The following SNTG1 variants were observed in gnomAD, a reference collection of about 807,000 sequenced individuals.
SNTG1 encodes the protein syntrophin gamma 1.
Under a neutral mutation model 74.7 loss-of-function variants are expected in SNTG1, and 39 were observed. That is an observed-to-expected ratio of 0.52 (90% CI 0.40 to 0.68). The LOEUF (loss-of-function observed/expected upper bound fraction) is 0.68. SNTG1 is among the 30% of genes least tolerant of loss of function. The pLI is 0.00. For missense variants in SNTG1, 685 were observed against 609.5 expected, an observed-to-expected ratio of 1.12 and a Z score of -1.30; for synonymous variants, 254 against 217.1, an observed-to-expected ratio of 1.17 and a Z score of -1.49.
chr8:50,169,632 AGTAATACATTGATTAAC>A (rs1440374789), intron 1 of SNTG1, among the ~76,000 whole-genome samples: 1 of 152,216 alleles, frequency 6.6e-6, no homozygotes, highest in Admixed American at 6.5e-5. Context: ...TTCCTTGTTA[AGTAATACATTGATTAAC>A]CTACCATTTT....
At chr8:50,190,797 G>A (rs2083545346) in intron 2 of SNTG1, among the ~76,000 whole-genome samples, 2 of 152,054 alleles carry the variant, frequency 1.3e-5, no homozygotes, top group East Asian at 1.9e-4. Flanking sequence ...ATTTGGGGGT[G>A]GATAGTGGAA....
chr8:50,011,908 G>T (rs1815844167), intron 1 of SNTG1: 1 of 152,132 alleles, frequency 6.6e-6, no homozygotes, highest in South Asian at 2.1e-4. Flanking sequence ...ATGAACTTTA[G>T]TGCTTTCTTT....
At position 50,452,123 on chromosome 8, in the gene SNTG1, G is replaced by T. The variant is rs142672969; in HGVS notation, c.363+1394G>T. Among the ~76,000 whole-genome samples, 349 of 152,204 alleles carry T rather than the reference G, an allele frequency of 2.3e-3. 5 individuals carry two copies. The highest frequency in any genetic ancestry group is 5.9e-3 in the African/African-American group (244 of 41,538). On this transcript the variant is annotated intron_variant, in intron 8 of 18. Transcript: ENST00000642720. ...TGCACAAGAACCGAGACGAAGGAGGGTTTTTAATTAGGAACACTTGGCATA... is the reference window on the plus strand; with the variant it reads ...TGCACAAGAACCGAGACGAAGGAGGTTTTTTAATTAGGAACACTTGGCATA...
intron 2 of SNTG1, among the ~76,000 whole-genome samples, chr8:50,364,970 T>C (rs543647348): frequency 3.2e-4 from 49 of 152,258 alleles, no homozygotes; most frequent in Admixed American, 2.2e-3. Flanking sequence ...ATGTTCTTTT[T>C]ACTACTGCTA....
At chr8:50,548,026 G>A (rs920920794) in intron 11 of SNTG1, among the ~76,000 whole-genome samples, 1 of 152,228 alleles carries the variant, frequency 6.6e-6, no homozygotes, top group African/African-American at 2.4e-5. Flanking sequence ...CTGCTCCTGT[G>A]AGGGTAGAAA....
At chr8:49,920,763 G>T (rs1806464347) in intron 1 of SNTG1, among the ~76,000 whole-genome samples, 1 of 152,024 alleles carries the variant, frequency 6.6e-6, no homozygotes, top group Admixed American at 6.6e-5. Context: ...AACCATGGTG[G>T]ACCAGAGTTG....
intron 1 of SNTG1, among the ~76,000 whole-genome samples, chr8:50,165,871 T>C (rs953861250): frequency 9.9e-5 from 15 of 151,896 alleles, no homozygotes; most frequent in Non-Finnish European, 1.5e-4. Context: ...CTTCAAACTA[T>C]ACTACAAGGC....
intron 1 of SNTG1, among the ~76,000 whole-genome samples, chr8:50,056,779 G>A (rs540612051): frequency 5.8e-4 from 89 of 152,272 alleles, no homozygotes; most frequent in African/African-American, 2.0e-3. Flanking sequence ...TGTCAAGCAA[G>A]ATAGATGAGT....
At chr8:50,486,587 C>T (rs139029919) in intron 8 of SNTG1, among the ~76,000 whole-genome samples, 67,236 of 121,658 alleles carry the variant, frequency 0.55, 21,764 homozygotes, top group Non-Finnish European at 0.74. Context: ...ACAATCATGT[C>T]GTCTGCAAAC....
chr8:50,552,847 G>A (rs951353821), intron 11 of SNTG1, among the ~76,000 whole-genome samples: 11 of 152,228 alleles, frequency 7.2e-5, no homozygotes, highest in Admixed American at 1.3e-4. Flanking sequence ...TGCTTCCTAC[G>A]AAATTGAAAT....
intron 1 of SNTG1, among the ~76,000 whole-genome samples, chr8:49,929,019 T>C (rs957320363): frequency 2.0e-5 from 3 of 151,932 alleles, no homozygotes; most frequent in Non-Finnish European, 4.4e-5. Flanking sequence ...AACACAAACG[T>C]AGTATAGGAA....
intron 2 of SNTG1, among the ~76,000 whole-genome samples, chr8:50,269,687 C>T (rs573184685): frequency 2.1e-4 from 32 of 152,040 alleles, no homozygotes; most frequent in African/African-American, 7.0e-4. Flanking sequence ...TAGTACTGAC[C>T]ACGTACAACA....
At chr8:50,391,535 T>C (rs1446224560) in intron 2 of SNTG1, among the ~76,000 whole-genome samples, 1 of 152,180 alleles carries the variant, frequency 6.6e-6, no homozygotes, top group Admixed American at 6.5e-5. Context: ...AAATTCTCTT[T>C]TTTTGTTGTG....
At chr8:50,152,065 A>C (rs531557478) in intron 1 of SNTG1, among the ~76,000 whole-genome samples, 1 of 152,226 alleles carries the variant, frequency 6.6e-6, no homozygotes, top group African/African-American at 2.4e-5. Context: ...GTAGGTCTCT[A>C]AGGACTTGCT....
At chr8:50,742,211 G>A (rs986125856) in intron 17 of SNTG1, among the ~76,000 whole-genome samples, 1 of 151,850 alleles carries the variant, frequency 6.6e-6, no homozygotes, top group African/African-American at 2.4e-5. Flanking sequence ...TTCAACCACA[G>A]TTGAATACAC....
intron 1 of SNTG1, among the ~76,000 whole-genome samples, chr8:49,991,950 T>C (rs912647841): frequency 6.6e-6 from 1 of 152,206 alleles, no homozygotes; most frequent in Non-Finnish European, 1.5e-5. Flanking sequence ...TATTAGGGTG[T>C]ATAAATTCTA....
chr8:49,996,446 C>A (rs1349720164), intron 1 of SNTG1, among the ~76,000 whole-genome samples: 1 of 151,928 alleles, frequency 6.6e-6, no homozygotes, highest in Non-Finnish European at 1.5e-5. Context: ...CATGTCCTTG[C>A]CTTCTCCTTT....
intron 1 of SNTG1, among the ~76,000 whole-genome samples, chr8:50,158,460 A>G (rs964350707): frequency 1.3e-5 from 2 of 152,154 alleles, no homozygotes; most frequent in African/African-American, 2.4e-5. Context: ...TGCTATGCCT[A>G]TGATCATGGA....
At chr8:50,569,414 T>C (rs1034944444) in intron 12 of SNTG1, among the ~76,000 whole-genome samples, 5 of 151,852 alleles carry the variant, frequency 3.3e-5, no homozygotes, top group Admixed American at 2.0e-4. Flanking sequence ...AAAAAAACTG[T>C]TTGGAAGCTA....
Sources: gnomAD v4.1 joint callset for allele counts (sites outside exome capture counted in the v4.1 genomes callset) on GRCh38, gnomAD v4.1.1 for gene constraint, MANE v1.5 for transcripts, NCBI Gene and HGNC (gene_info 2026-07-23, HGNC 2026-07-21) for gene names.